The following BORCS5 variants were observed in gnomAD, a reference collection of about 807,000 sequenced individuals.
BORCS5 encodes BLOC-1 related complex subunit 5, also known as BLOC-1-related complex subunit 5.
In BORCS5, 17 loss-of-function variants were observed where a neutral mutation model predicts 22.1. That is an observed-to-expected ratio of 0.77 (90% CI 0.53 to 1.15). The LOEUF is 1.15. Ranked by LOEUF, BORCS5 falls within the 50% of genes most tolerant of loss-of-function variation. The probability of loss-of-function intolerance (pLI) is 0.00; values close to 1 mark genes in which losing one functional copy is unlikely to be tolerated. For missense variants in BORCS5, 247 were observed against 253.2 expected (o/e 0.98, Z 0.17); for synonymous variants, 117 against 99.8 (o/e 1.17, Z -1.03).
chr12:12,410,707 C>T (rs141280400), intron 2 of BORCS5, among the ~76,000 whole-genome samples: 4,684 of 152,172 alleles, frequency 0.031, 118 homozygotes, highest in African/African-American at 0.068. Flanking sequence ...CTTGGCAACA[C>T]GGGCTCTTTT....
At chr12:12,434,085 C>T (rs145886844) in intron 2 of BORCS5, among the ~76,000 whole-genome samples, 3 of 151,770 alleles carry the variant, frequency 2.0e-5, no homozygotes, top group East Asian at 1.9e-4. Context: ...CCCAGAAGTT[C>T]GAGACCAACC....
chr12:12,454,715 C>G (rs368091359), intron 3 of BORCS5, among the ~76,000 whole-genome samples: 27 of 152,320 alleles, frequency 1.8e-4, no homozygotes, highest in African/African-American at 6.3e-4. Context: ...AACTTCCAAG[C>G]ATACTTTGCC....
chr12:12,463,095 G>GA (rs1943140455), intron 3 of BORCS5, among the ~76,000 whole-genome samples: 1 of 152,168 alleles, frequency 6.6e-6, no homozygotes, highest in Non-Finnish European at 1.5e-5. Context: ...AGGCAAATAA[G>GA]GATATATCCC....
intron 2 of BORCS5, among the ~76,000 whole-genome samples, chr12:12,396,137 A>G (rs1019653199): frequency 1.3e-5 from 2 of 151,938 alleles, no homozygotes; most frequent in Non-Finnish European, 2.9e-5. Context: ...ACAGGCCCAC[A>G]TTACCACGCC....
At chr12:12,374,317 C>T (rs1863599320) in intron 2 of BORCS5, among the ~76,000 whole-genome samples, 1 of 151,452 alleles carries the variant, frequency 6.6e-6, no homozygotes. Flanking sequence ...TAAAAGTCTT[C>T]TATATATATT....
At chr12:12,398,870 A>T (rs1276611604) in intron 2 of BORCS5, among the ~76,000 whole-genome samples, 2 of 152,212 alleles carry the variant, frequency 1.3e-5, no homozygotes. Flanking sequence ...AGTTGGAGTT[A>T]TCTGGCTACA....
intron 2 of BORCS5, among the ~76,000 whole-genome samples, chr12:12,435,062 A>G (rs1431608894): frequency 6.6e-6 from 1 of 152,238 alleles, no homozygotes; most frequent in East Asian, 1.9e-4. Flanking sequence ...TGGTGTTGAA[A>G]GAAAATGTAA....
intron 1 of BORCS5, 117 bp from the exon 2 acceptor site, chr12:12,361,089 A>C: frequency 9.8e-7 from 1 of 1,017,026 alleles, no homozygotes; most frequent in Non-Finnish European, 1.5e-6. Flanking sequence ...CCCAACCCCA[A>C]CTGCAAGATA....
At chr12:12,413,915 C>T (rs1257074768) in intron 2 of BORCS5, among the ~76,000 whole-genome samples, 3 of 54,674 alleles carry the variant, frequency 5.5e-5, no homozygotes, top group East Asian at 3.8e-4. Context: ...CCGGACTGGG[C>T]GGCTGGCCGG....
chr12:12,370,290 T>C (rs984109165), intron 2 of BORCS5, among the ~76,000 whole-genome samples: 3 of 152,184 alleles, frequency 2.0e-5, no homozygotes, highest in Admixed American at 6.5e-5. Context: ...TTTAAAGGAC[T>C]TCTTTTAGCA....
intron 2 of BORCS5, among the ~76,000 whole-genome samples, chr12:12,429,479 A>T (rs764312042): frequency 6.6e-6 from 1 of 152,168 alleles, no homozygotes; most frequent in Non-Finnish European, 1.5e-5. Context: ...GGAGATTCCT[A>T]TGAGTCAAGG....
At chr12:12,415,422 C>T (rs1348092008) in intron 2 of BORCS5, among the ~76,000 whole-genome samples, 11 of 151,054 alleles carry the variant, frequency 7.3e-5, no homozygotes, top group East Asian at 2.0e-4. Context: ...TGGCGGCGTG[C>T]GCCTGCAATC....
chr12:12,409,195 A>T (rs1042217219), intron 2 of BORCS5, among the ~76,000 whole-genome samples: 10 of 151,756 alleles, frequency 6.6e-5, no homozygotes, highest in African/African-American at 2.4e-4. Flanking sequence ...GATGTCAGGA[A>T]TTCTTTTTAT....
At chr12:12,366,904 G>A (rs754625956) in intron 2 of BORCS5, among the ~76,000 whole-genome samples, 18 of 152,274 alleles carry the variant, frequency 1.2e-4, no homozygotes, top group Non-Finnish European at 2.1e-4. Flanking sequence ...TGGATACAAC[G>A]TAAGAGATTG....
chr12:12,422,474 C>T (rs927789648), intron 2 of BORCS5, among the ~76,000 whole-genome samples: 7 of 151,904 alleles, frequency 4.6e-5, no homozygotes, highest in African/African-American at 7.3e-5. Context: ...ATTAGCCAGG[C>T]GTGGTGGCAC....
intron 2 of BORCS5, among the ~76,000 whole-genome samples, chr12:12,420,645 A>G (rs1243668499): frequency 3.9e-5 from 6 of 152,072 alleles, no homozygotes; most frequent in Non-Finnish European, 8.8e-5. Context: ...CAGTATGGCC[A>G]TTTTCATGAT....
At chr12:12,395,435 ATTT>A (rs59277387) in intron 2 of BORCS5, among the ~76,000 whole-genome samples, 1,371 of 107,810 alleles carry the variant, frequency 0.013, 12 homozygotes, top group South Asian at 0.026. Flanking sequence ...CACCCAGCTA[ATTT>A]TTTTTTTTTT....
At chr12:12,367,074 G>T (rs927051145) in intron 2 of BORCS5, among the ~76,000 whole-genome samples, 5 of 152,204 alleles carry the variant, frequency 3.3e-5, no homozygotes, top group Non-Finnish European at 5.9e-5. Context: ...ATTAAAAGGA[G>T]CCTGGGGCTT....
intron 2 of BORCS5, among the ~76,000 whole-genome samples, chr12:12,386,227 C>T (rs950043571): frequency 6.6e-6 from 1 of 150,620 alleles, no homozygotes; most frequent in Non-Finnish European, 1.5e-5. Flanking sequence ...TCATGGACTC[C>T]TTGCCTCAAG....
Sources: allele counts gnomAD v4.1 joint callset (sites outside exome capture counted in the v4.1 genomes callset), GRCh38; gene constraint gnomAD v4.1.1; transcripts MANE v1.5; gene names NCBI Gene and HGNC (gene_info 2026-07-23, HGNC 2026-07-21).